Variants in LIPI observed in about 807,000 individuals in gnomAD.
LIPI encodes the protein lipase I.
LIPI carries 59 observed loss-of-function variants against 50.6 expected under a neutral mutation model. That is an observed-to-expected ratio of 1.16 (90% CI 0.94 to 1.45). The LOEUF is 1.45. Ranked by LOEUF, LIPI falls within the 40% of genes most tolerant of loss-of-function variation. The pLI is 0.00. For synonymous variants in LIPI, 203 were observed against 178.2 expected, an observed-to-expected ratio of 1.14 and a Z score of -1.11; for missense variants, 586 against 536.3, an observed-to-expected ratio of 1.09 and a Z score of -0.92.
chr21:14,195,624 T>A (rs775504481), intron 1 of LIPI, among the ~76,000 whole-genome samples: 1 of 152,110 alleles, frequency 6.6e-6, no homozygotes, highest in Non-Finnish European at 1.5e-5. Flanking sequence ...ACAGTAAACA[T>A]GAAACAGAAA....
Position 14,108,821 on chromosome 21 carries a change from G to A in LIPI, c.*172C>T. On this transcript the variant is annotated 3_prime_UTR_variant, in exon 10 of 10. Transcript: ENST00000681601. ...ACAACTTTCAGAATATATTTGGAAT[G>A]TTTAACTGTATGCATTTTTTATTTT... 1.5e-6 allele frequency: 1 copy of A among 678,456 alleles called. No individual in the cohort carries two copies. The highest frequency in any genetic ancestry group is 1.9e-5 in the South Asian group (1 of 51,674). 42.0% of individuals were successfully genotyped at this position (678,456 alleles called of 1,614,324 possible). A position where few individuals can be genotyped will look rare whatever the true frequency, so the allele number is the denominator to read the frequency against.
chr21:14,206,980 G>A (rs1214398964), intron 1 of LIPI: 4 of 1,181,624 alleles, frequency 3.4e-6, no homozygotes, highest in South Asian at 1.2e-5. Flanking sequence ...ATAATAAGAA[G>A]GAAGACCCTT....
intron 9 of LIPI, among the ~76,000 whole-genome samples, chr21:14,138,333 T>G (rs1263432630): frequency 6.6e-6 from 1 of 152,180 alleles, no homozygotes; most frequent in Non-Finnish European, 1.5e-5. Context: ...TCTAAGTTTA[T>G]TCTCTAAATT....
intron 9 of LIPI, among the ~76,000 whole-genome samples, chr21:14,135,321 G>GA (rs35889122): frequency 6.6e-6 from 1 of 151,988 alleles, no homozygotes; most frequent in Non-Finnish European, 1.5e-5. Context: ...TATCTACACG[G>GA]AAAAAAACAC....
At chr21:14,111,732 T>C (rs967282722) in intron 9 of LIPI, among the ~76,000 whole-genome samples, 1 of 152,160 alleles carries the variant, frequency 6.6e-6, no homozygotes, top group African/African-American at 2.4e-5. Flanking sequence ...AGCCTTAGAT[T>C]TTAGTCTTTA....
chr21:14,165,518 C>T, intron 5 of LIPI, 128 bp from the exon 6 acceptor site: 1 of 662,298 alleles, frequency 1.5e-6, no homozygotes, highest in Non-Finnish European at 2.6e-6. Context: ...GACTATAATA[C>T]ACAGTTTTAT....
At chr21:14,150,176 C>G (rs2018040791) in intron 8 of LIPI, among the ~76,000 whole-genome samples, 1 of 152,146 alleles carries the variant, frequency 6.6e-6, no homozygotes, top group African/African-American at 2.4e-5. Flanking sequence ...TCTTCTGCAA[C>G]CTACAGAACC....
At chr21:14,178,480 T>G (rs1463982293) in intron 4 of LIPI, among the ~76,000 whole-genome samples, 2 of 152,180 alleles carry the variant, frequency 1.3e-5, no homozygotes, top group Non-Finnish European at 2.9e-5. Flanking sequence ...TCTAATTTTC[T>G]GTTAAACCCA....
chr21:14,120,207 C>G (rs2016811036), intron 9 of LIPI, among the ~76,000 whole-genome samples: 1 of 152,178 alleles, frequency 6.6e-6, no homozygotes, highest in Non-Finnish European at 1.5e-5. Context: ...CTGATGGAAG[C>G]AGCTTCATAT....
At chr21:14,198,862 A>C (rs7281467) in intron 1 of LIPI, among the ~76,000 whole-genome samples, 38,480 of 152,076 alleles carry the variant, frequency 0.25, 5,216 homozygotes, top group Middle Eastern at 0.35. Context: ...AATTGAAAGT[A>C]AAACACTCCT....
chr21:14,206,591 A>G (rs1344024255), intron 1 of LIPI, among the ~76,000 whole-genome samples: 1 of 151,538 alleles, frequency 6.6e-6, no homozygotes, highest in South Asian at 2.1e-4. Context: ...TTTTTTTCTG[A>G]TAATCTAAAC....
chr21:14,160,764 G>A (rs2018433383), intron 7 of LIPI, among the ~76,000 whole-genome samples: 3 of 150,954 alleles, frequency 2.0e-5, no homozygotes, highest in Admixed American at 1.3e-4. Context: ...GACTAGTTTA[G>A]AAATTATATA....
intron 1 of LIPI, among the ~76,000 whole-genome samples, chr21:14,191,355 C>T (rs1164820319): frequency 4.0e-5 from 5 of 125,724 alleles, no homozygotes; most frequent in African/African-American, 1.5e-4. Context: ...CCAGCCTGGG[C>T]GACAGAGCAA....
intron 1 of LIPI, among the ~76,000 whole-genome samples, chr21:14,202,448 G>A (rs1341534146): frequency 6.6e-6 from 1 of 152,194 alleles, no homozygotes; most frequent in Non-Finnish European, 1.5e-5. Flanking sequence ...CAAGGCTACA[G>A]TATCCAAAAC....
chr21:14,151,861 C>A (rs752928900), intron 8 of LIPI, among the ~76,000 whole-genome samples: 16 of 151,836 alleles, frequency 1.1e-4, no homozygotes, highest in Non-Finnish European at 1.5e-4. Context: ...AAAAACAAAA[C>A]CCTCCCCTAT....
chr21:14,207,429 C>T (rs1358322102), intron 1 of LIPI, among the ~76,000 whole-genome samples: 1 of 151,834 alleles, frequency 6.6e-6, no homozygotes, highest in Non-Finnish European at 1.5e-5. Flanking sequence ...ATAGGCACAA[C>T]TATGTCAATT....
chr21:14,165,473 T>G (rs559394379), intron 5 of LIPI, 83 bp from the exon 6 acceptor site: 18 of 985,330 alleles, frequency 1.8e-5, no homozygotes, highest in Non-Finnish European at 2.7e-5. Flanking sequence ...AAAGATGAAG[T>G]TTTGCTAAAT....
chr21:14,197,210 C>CT (rs542423220), intron 1 of LIPI, among the ~76,000 whole-genome samples: 1,675 of 151,770 alleles, frequency 0.011, 37 homozygotes, highest in African/African-American at 0.038. Flanking sequence ...TAACAGAATG[C>CT]TTTTTTATTT....
At chr21:14,144,887 C>A in intron 8 of LIPI, 88 bp from the exon 9 acceptor site, 1 of 833,270 alleles carries the variant, frequency 1.2e-6, no homozygotes, top group Non-Finnish European at 1.9e-6. Context: ...TAAGGGAGGC[C>A]ACAGAGAACA....
Sources: gnomAD v4.1 joint callset for allele counts (sites outside exome capture counted in the v4.1 genomes callset) on GRCh38, gnomAD v4.1.1 for gene constraint, MANE v1.5 for transcripts, NCBI Gene and HGNC (gene_info 2026-07-23, HGNC 2026-07-21) for gene names.